GLG1: variants seen among roughly 807,000 people sequenced by gnomAD.
GLG1 encodes the protein golgi glycoprotein 1.
GLG1 carries 38 observed loss-of-function variants against 160.5 expected under a neutral mutation model. The ratio of observed to expected loss-of-function variants is 0.24; its 90% CI spans 0.18 to 0.31. The LOEUF is 0.31. Among genes scored for constraint, GLG1 ranks in the 10% least tolerant of loss-of-function variants. The probability of loss-of-function intolerance (pLI) is 1.00; values close to 1 mark genes in which losing one functional copy is unlikely to be tolerated. For synonymous variants in GLG1, 644 were observed against 543.4 expected, an observed-to-expected ratio of 1.19 and a Z score of -2.57; for missense variants, 1,373 against 1,505.2, an observed-to-expected ratio of 0.91 and a Z score of 1.45.
Position 74,476,662 on chromosome 16 carries a change from T to C in GLG1, c.1965+734A>G, listed in dbSNP as rs184038028. Among the ~76,000 whole-genome samples the C allele has an allele frequency of 4.6e-3, 703 of 152,296 alleles. 2 individuals carry two copies. Among genetic ancestry groups the C allele is most frequent in the Non-Finnish European group, 7.2e-3 (489 of 68,036 alleles). ...CCCACATGACCTGCAGTCATGCATC[T>C]TTCCTTCTTTCCCTTAAACTGGGAC... is the stretch of plus-strand genomic sequence containing the variant. On this transcript the variant is annotated intron_variant, in intron 12 of 25. Transcript: ENST00000422840.
intron 1 of GLG1, among the ~76,000 whole-genome samples, chr16:74,562,711 G>A (rs1597349896): frequency 1.3e-5 from 2 of 152,340 alleles, no homozygotes; most frequent in Admixed American, 1.3e-4. Context: ...CTGACCTCCA[G>A]TGATTCGCCC....
intron 3 of GLG1, among the ~76,000 whole-genome samples, chr16:74,505,188 C>T (rs142137609): frequency 1.6e-4 from 25 of 152,296 alleles, no homozygotes; most frequent in African/African-American, 5.8e-4. Flanking sequence ...GAAGGACACA[C>T]CACCGAGGAA....
Position 74,491,235 on chromosome 16 carries a change from A to G in GLG1, c.1235-20T>C. The G allele has an allele frequency of 6.5e-7, 1 of 1,541,040 alleles. No homozygotes were observed. Among genetic ancestry groups the G allele is most frequent in the Non-Finnish European group, 9.0e-7 (1 of 1,113,464 alleles). On this transcript the variant is annotated intron_variant, in intron 7 of 25. Transcript: ENST00000422840. ...GTCGCCCTAAGTTAGGATGTAAGTC[A>G]TAACATTACGAAGGGTGATGCTATG...
intron 16 of GLG1, 105 bp downstream of exon 16, chr16:74,469,880 C>G: frequency 1.3e-6 from 1 of 780,678 alleles, no homozygotes; most frequent in South Asian, 1.4e-5. Context: ...GCCTCCAGGG[C>G]TAACCCCACG....
intron 1 of GLG1, among the ~76,000 whole-genome samples, chr16:74,582,941 A>G (rs1228672219): frequency 1.3e-5 from 2 of 152,168 alleles, no homozygotes; most frequent in Non-Finnish European, 2.9e-5. Flanking sequence ...CTCAGTCATT[A>G]ACTTTAGCTG....
intron 10 of GLG1, among the ~76,000 whole-genome samples, chr16:74,482,479 C>T (rs530272806): frequency 1.1e-4 from 17 of 152,256 alleles, no homozygotes; most frequent in Non-Finnish European, 2.2e-4. Context: ...CTCAGTGATT[C>T]TGGCTGTAAT....
chr16:74,467,146 T>C (rs1195514212), intron 18 of GLG1, among the ~76,000 whole-genome samples: 4 of 152,232 alleles, frequency 2.6e-5, no homozygotes, highest in African/African-American at 4.8e-5. Context: ...GAGACTTATA[T>C]TGACATCAGA....
Position 74,468,989 on chromosome 16 carries a change from G to A in GLG1, c.2393C>T (p.Ser798Phe). ...TLQEAKEHRV[S>F]LKCRRQLRVE... is the part of the protein sequence containing the mutation. ...ACGGAGCTGCCTGCGGCACTTCAGG[G>A]ACACCCTGTGCTCCTTGGCTTCCTG... is the stretch of plus-strand genomic sequence containing the variant. Residue 798 changes from serine (S) to phenylalanine (F), a missense_variant, in exon 17 of 26, where the codon TCC becomes TTC. Ser to Phe is a radical substitution (Grantham distance 155). Coordinates refer to ENST00000422840, the MANE Select transcript of GLG1 (RefSeq NM_001145667.2). The A allele has an allele frequency of 6.2e-7, 1 of 1,613,674 alleles. No homozygotes were observed. The highest frequency in any genetic ancestry group is 8.5e-7 in the Non-Finnish European group (1 of 1,179,514).
intron 19 of GLG1, among the ~76,000 whole-genome samples, chr16:74,463,732 T>G (rs9922522): frequency 2.8e-4 from 42 of 151,232 alleles, no homozygotes; most frequent in South Asian, 1.1e-3. Context: ...TTGTGTTTTT[T>G]TTGTTGTTGT....
intron 12 of GLG1, among the ~76,000 whole-genome samples, chr16:74,476,995 G>A (rs1054833644): frequency 2.6e-5 from 4 of 152,070 alleles, no homozygotes; most frequent in African/African-American, 9.7e-5. Context: ...TGAGTAAAAT[G>A]AATAAAGAAG....
At chr16:74,523,343 C>A (rs1172928656) in intron 2 of GLG1, among the ~76,000 whole-genome samples, 1 of 152,158 alleles carries the variant, frequency 6.6e-6, no homozygotes, top group Middle Eastern at 3.2e-3. Context: ...TACCACACTG[C>A]CTTAATTACC....
At chr16:74,515,705 T>A (rs1434336074) in intron 2 of GLG1, among the ~76,000 whole-genome samples, 3 of 151,656 alleles carry the variant, frequency 2.0e-5, no homozygotes, top group East Asian at 1.9e-4. Context: ...AGTATAATTT[T>A]AAAAAATGTA....
chr16:74,587,951 C>T (rs933851894), intron 1 of GLG1, among the ~76,000 whole-genome samples: 3 of 152,116 alleles, frequency 2.0e-5, no homozygotes, highest in Non-Finnish European at 2.9e-5. Context: ...ACACCCAAAT[C>T]AAACGTCTAT....
At chr16:74,522,630 T>C (rs529762411) in intron 2 of GLG1, among the ~76,000 whole-genome samples, 1 of 152,200 alleles carries the variant, frequency 6.6e-6, no homozygotes, top group Non-Finnish European at 1.5e-5. Context: ...GTATGTATTA[T>C]CAATTTTTTT....
chr16:74,467,415 G>A (rs1262846367), intron 18 of GLG1, among the ~76,000 whole-genome samples: 1 of 152,214 alleles, frequency 6.6e-6, no homozygotes, highest in Non-Finnish European at 1.5e-5. Flanking sequence ...ACACAGTGAA[G>A]TAACGGTTAA....
intron 2 of GLG1, among the ~76,000 whole-genome samples, chr16:74,531,620 C>A (rs1419482400): frequency 1.3e-5 from 2 of 152,166 alleles, no homozygotes; most frequent in East Asian, 3.8e-4. Flanking sequence ...AACCACCATG[C>A]CCGGCCTCAT....
chr16:74,587,374 T>G (rs1452064095), intron 1 of GLG1, among the ~76,000 whole-genome samples: 2 of 152,116 alleles, frequency 1.3e-5, no homozygotes, highest in African/African-American at 4.8e-5. Flanking sequence ...TTTGAAAGAT[T>G]TGAATAGTGG....
rs113515270 is a variant in GLG1, at chr16:74,468,915, G to C, written c.2436+31C>G. On this transcript the variant is annotated intron_variant, in intron 17 of 25. Transcript: ENST00000422840. Reference sequence around the variant, plus strand: ...GCTTTCCAAGCCCTGGCCCACTGTGGTTTCTGGGAGCAGAGGCTGGGAGGC... The same window carrying C: ...GCTTTCCAAGCCCTGGCCCACTGTGCTTTCTGGGAGCAGAGGCTGGGAGGC... 4.2e-5 allele frequency: 58 copies of C among 1,378,552 alleles called. 1 individual carries two copies. Among genetic ancestry groups the C allele is most frequent in the African/African-American group, 2.4e-4 (17 of 70,608 alleles). 85.4% of individuals were successfully genotyped at this position (1,378,552 alleles called of 1,614,324 possible).
At chr16:74,570,774 G>A (rs1462279065) in intron 1 of GLG1, among the ~76,000 whole-genome samples, 1 of 152,182 alleles carries the variant, frequency 6.6e-6, no homozygotes, top group Non-Finnish European at 1.5e-5. Context: ...TACAGACACA[G>A]CCACTTGGAA....
Sources: gnomAD v4.1 joint callset for allele counts (sites outside exome capture counted in the v4.1 genomes callset) on GRCh38, gnomAD v4.1.1 for gene constraint, MANE v1.5 for transcripts, NCBI Gene and HGNC (gene_info 2026-07-23, HGNC 2026-07-21) for gene names.